The following MARK3 variants were observed in gnomAD, a reference collection of about 807,000 sequenced individuals.
The protein encoded by MARK3 is microtubule affinity regulating kinase 3.
Under a neutral mutation model 90.1 loss-of-function variants are expected in MARK3, and 46 were observed. That is an observed-to-expected ratio of 0.51 (90% CI 0.40 to 0.65). The LOEUF is 0.65. Among genes scored for constraint, MARK3 ranks in the 30% least tolerant of loss-of-function variants. The pLI is 0.00. For missense variants in MARK3, 818 were observed against 947.2 expected (o/e 0.86, Z 1.79); for synonymous variants, 321 against 332.6 (o/e 0.97, Z 0.38).
chr14:103,415,384 A>G (rs2091901938), intron 2 of MARK3, among the ~76,000 whole-genome samples: 1 of 152,184 alleles, frequency 6.6e-6, no homozygotes, highest in African/African-American at 2.4e-5. Flanking sequence ...AATGGATATC[A>G]AAATGCTCAT....
At chr14:103,391,917 T>A (rs192636940) in intron 1 of MARK3, among the ~76,000 whole-genome samples, 1 of 152,212 alleles carries the variant, frequency 6.6e-6, no homozygotes, top group East Asian at 1.9e-4. Context: ...TCTATAGTTA[T>A]ATGGAGCCAC....
At chr14:103,494,248 A>AG in intron 15 of MARK3, among the ~76,000 whole-genome samples, 1 of 150,050 alleles carries the variant, frequency 6.7e-6, no homozygotes, top group East Asian at 2.0e-4. Context: ...AAAAAAAAAA[A>AG]AAAAAAAGAC....
At chr14:103,450,587 T>A (rs1046884598) in intron 4 of MARK3, among the ~76,000 whole-genome samples, 3 of 152,196 alleles carry the variant, frequency 2.0e-5, no homozygotes, top group African/African-American at 7.2e-5. Flanking sequence ...TACCAACACA[T>A]GTGCCTTAAC....
At chr14:103,489,224 G>A (rs909065532) in intron 14 of MARK3, among the ~76,000 whole-genome samples, 1 of 152,216 alleles carries the variant, frequency 6.6e-6, no homozygotes, top group Non-Finnish European at 1.5e-5. Flanking sequence ...CATACCAAGA[G>A]AATAACTCCT....
Position 103,447,547 on chromosome 14 carries a change from A to G in MARK3, c.298-1372A>G, listed in dbSNP as rs547745862. 2.6e-5 allele frequency among the ~76,000 whole-genome samples: 4 copies of G among 152,294 alleles called. No homozygotes were observed. The South Asian group carries it at 8.3e-4, about 32-fold the overall frequency. ...CCGGACACATTCCCCACAGAAGGAT[A>G]GCAGGACCTTAGAAGATCTTTTTCT... On this transcript the variant is annotated intron_variant, in intron 3 of 17. Coordinates refer to ENST00000429436, the MANE Select transcript of MARK3 (RefSeq NM_001128918.3).
chr14:103,434,537 A>G (rs1422864109), intron 3 of MARK3, among the ~76,000 whole-genome samples: 1 of 152,220 alleles, frequency 6.6e-6, no homozygotes, highest in African/African-American at 2.4e-5. Context: ...AAAGCTGTCC[A>G]TAGCATGCAG....
intron 5 of MARK3, among the ~76,000 whole-genome samples, chr14:103,455,314 A>G (rs1266574506): frequency 2.0e-5 from 3 of 152,250 alleles, no homozygotes; most frequent in African/African-American, 4.8e-5. Flanking sequence ...CTTTTCTGCA[A>G]ATAGGTCATT....
chr14:103,418,065 T>C (rs2092029304), intron 2 of MARK3, among the ~76,000 whole-genome samples: 1 of 152,068 alleles, frequency 6.6e-6, no homozygotes, highest in Admixed American at 6.6e-5. Flanking sequence ...CAAAACTCTG[T>C]CTCAAAAGAA....
chr14:103,386,136 C>T (rs976696125), intron 1 of MARK3, 56 bp downstream of exon 1: 13 of 1,514,714 alleles, frequency 8.6e-6, no homozygotes, highest in African/African-American at 8.2e-5. Flanking sequence ...TCGTGCTCCT[C>T]GGGCAGTGCC....
At chr14:103,409,371 C>G (rs1191775629) in intron 2 of MARK3, among the ~76,000 whole-genome samples, 1 of 135,986 alleles carries the variant, frequency 7.4e-6, no homozygotes, top group Non-Finnish European at 1.5e-5. Flanking sequence ...GCGCAGCAAA[C>G]CACCATGGCA....
rs1331877379 is a variant in MARK3 at position 103,475,045 on chromosome 14, C to T, written c.1317C>T (p.Ser439=). 1 of 1,614,046 alleles carries T rather than the reference C, an allele frequency of 6.2e-7. No homozygotes were observed. The highest frequency in any genetic ancestry group is 1.3e-5 in the African/African-American group (1 of 74,928). The part of the protein sequence containing the change: ...VVAYPKRSQT[S]TADSDLKEDG... Reference sequence around the variant, plus strand: ...CGTATCCGAAAAGGAGTCAGACCAGCACTGCAGATAGTGACCTCAAAGAAG... The same window carrying T: ...CGTATCCGAAAAGGAGTCAGACCAGTACTGCAGATAGTGACCTCAAAGAAG... Residue 439 remains serine (S), a synonymous_variant, in exon 13 of 18, where the codon AGC becomes AGT. Transcript: ENST00000429436.
chr14:103,436,962 G>A (rs544696791), intron 3 of MARK3, among the ~76,000 whole-genome samples: 13 of 152,162 alleles, frequency 8.5e-5, no homozygotes, highest in East Asian at 7.7e-4. Flanking sequence ...GTGTGGTGGC[G>A]CATGCCTGTA....
intron 7 of MARK3, among the ~76,000 whole-genome samples, chr14:103,464,443 C>T (rs762724010): frequency 1.3e-5 from 2 of 151,286 alleles, no homozygotes; most frequent in East Asian, 2.0e-4. Context: ...GGATTACAGG[C>T]GCCCACCACC....
chr14:103,386,057 G>A lies in MARK3; in HGVS notation c.28G>A (p.Val10Met). 1 of 1,614,240 alleles carries A rather than the reference G, an allele frequency of 6.2e-7. No homozygotes were observed. The highest frequency in any genetic ancestry group is 1.7e-5 in the Admixed American group (1 of 60,034). Reference protein sequence around the residue: MSTRTPLPTVNERDTENHTS... With the variant: MSTRTPLPTMNERDTENHTS... ...GTCCACTAGGACCCCATTGCCAACG[G>A]TGAATGAACGAGACACTGAAAACGT... Residue 10 changes from valine (V) to methionine (M), a missense_variant, in exon 1 of 18, where the codon GTG becomes ATG. This residue lies in a region of MARK3 where 157 missense variants were observed against 158.7 expected (regional missense o/e 0.99). Coordinates refer to ENST00000429436, the MANE Select transcript of MARK3 (RefSeq NM_001128918.3).
intron 1 of MARK3, among the ~76,000 whole-genome samples, chr14:103,401,866 G>A (rs1201917788): frequency 1.3e-5 from 2 of 152,180 alleles, no homozygotes; most frequent in Non-Finnish European, 2.9e-5. Flanking sequence ...GCCTTAGAAG[G>A]GTTCATGAAG....
chr14:103,386,715 A>AT (rs1038417535), intron 1 of MARK3, among the ~76,000 whole-genome samples: 1 of 152,226 alleles, frequency 6.6e-6, no homozygotes, highest in African/African-American at 2.4e-5. Flanking sequence ...AAGCAGATGT[A>AT]TAGTGAAGCT....
Position 103,385,813 on chromosome 14 carries a change from C to A in MARK3, c.-217C>A. 2.3e-6 allele frequency: 1 copy of A among 440,636 alleles called. No individual in the cohort carries two copies. The highest frequency in any genetic ancestry group is 4.0e-6 in the Non-Finnish European group (1 of 251,012). The allele number at this position is 440,636 out of a possible 1,614,324, so 27.3% of individuals were successfully genotyped here. Reference sequence around the variant, plus strand: ...ACTGCCGCCCTCCCGGTCTCCTCGCCTCGGCCGCCGAGGCAGGGAGAGAAT... The same window carrying A: ...ACTGCCGCCCTCCCGGTCTCCTCGCATCGGCCGCCGAGGCAGGGAGAGAAT... On this transcript the variant is annotated 5_prime_UTR_variant, in exon 1 of 18. Transcript: ENST00000429436.
At chr14:103,477,886 G>A (rs186324234) in intron 13 of MARK3, among the ~76,000 whole-genome samples, 2 of 152,020 alleles carry the variant, frequency 1.3e-5, no homozygotes, top group East Asian at 3.9e-4. Flanking sequence ...AGCTACTTGA[G>A]AGCTTGAGAG....
chr14:103,437,437 T>G (rs994437297), intron 3 of MARK3, among the ~76,000 whole-genome samples: 1 of 152,050 alleles, frequency 6.6e-6, no homozygotes, highest in Non-Finnish European at 1.5e-5. Flanking sequence ...TAGAGTGTAT[T>G]TTAGAGATTG....
Sources: allele counts gnomAD v4.1 joint callset (sites outside exome capture counted in the v4.1 genomes callset), GRCh38; gene constraint gnomAD v4.1.1; regional missense constraint gnomAD v4.1.1; transcripts MANE v1.5; gene names NCBI Gene and HGNC (gene_info 2026-07-23, HGNC 2026-07-21).